EXOC4: variants seen among roughly 807,000 people sequenced by gnomAD.
The protein encoded by EXOC4 is exocyst complex component 4.
Under a neutral mutation model 107.2 loss-of-function variants are expected in EXOC4, and 71 were observed. That is an observed-to-expected ratio of 0.66 (90% CI 0.55 to 0.81). The LOEUF (loss-of-function observed/expected upper bound fraction) is 0.81, where lower values mean the gene tolerates loss of function less well. Ranked by LOEUF, EXOC4 falls within the 30% of genes least tolerant of loss-of-function variation. The pLI is 0.00. For missense variants in EXOC4, 1,108 were observed against 1,189.6 expected (o/e 0.93, Z 1.01); for synonymous variants, 456 against 441.2 (o/e 1.03, Z -0.42).
intron 11 of EXOC4, among the ~76,000 whole-genome samples, chr7:133,837,555 T>G (rs2151245052): frequency 6.6e-6 from 1 of 152,338 alleles, no homozygotes; most frequent in South Asian, 2.1e-4. Flanking sequence ...TTCTTCCTGC[T>G]AAGTCCTCCA....
intron 9 of EXOC4, among the ~76,000 whole-genome samples, chr7:133,485,923 A>G (rs1344743112): frequency 6.6e-6 from 1 of 152,174 alleles, no homozygotes; most frequent in Non-Finnish European, 1.5e-5. Context: ...ATTGATTCAA[A>G]TAGAAATGTA....
At chr7:133,897,124 A>G (rs1239436748) in intron 12 of EXOC4, among the ~76,000 whole-genome samples, 1 of 151,820 alleles carries the variant, frequency 6.6e-6, no homozygotes, top group Non-Finnish European at 1.5e-5. Context: ...TGGATAGCAG[A>G]TATGGAATCA....
intron 11 of EXOC4, among the ~76,000 whole-genome samples, chr7:133,858,520 T>G (rs1402015338): frequency 6.6e-6 from 1 of 152,174 alleles, no homozygotes; most frequent in Non-Finnish European, 1.5e-5. Flanking sequence ...AGCCTGGTTT[T>G]CAGGCTTCCT....
chr7:133,514,428 C>G (rs185357821), intron 9 of EXOC4, among the ~76,000 whole-genome samples: 1 of 152,158 alleles, frequency 6.6e-6, no homozygotes, highest in African/African-American at 2.4e-5. Flanking sequence ...TTCCAAAGTG[C>G]TGGGATTACA....
chr7:133,265,614 G>A (rs891356182), intron 1 of EXOC4, among the ~76,000 whole-genome samples: 5 of 152,128 alleles, frequency 3.3e-5, no homozygotes, highest in African/African-American at 4.8e-5. Context: ...TTCCTGATAA[G>A]TGATTTTTGG....
the EXOC4 span, among the ~76,000 whole-genome samples, chr7:134,079,947 A>ATC: frequency 9.9e-5 from 15 of 152,270 alleles, no homozygotes; most frequent in East Asian, 2.7e-3. Context: ...CTCTCCAAGG[A>ATC]TACAGAGCCT....
At chr7:133,672,821 G>A (rs568832026) in intron 10 of EXOC4, among the ~76,000 whole-genome samples, 22 of 152,296 alleles carry the variant, frequency 1.4e-4, no homozygotes, top group Non-Finnish European at 1.9e-4. Flanking sequence ...AGCAAGTCAC[G>A]TAAGGATTTA....
chr7:134,085,534 G>C, the EXOC4 span, among the ~76,000 whole-genome samples: 1 of 152,178 alleles, frequency 6.6e-6, no homozygotes, highest in South Asian at 2.1e-4. Flanking sequence ...AATTATGGAA[G>C]CTGTGCAAAT....
chr7:133,560,880 A>G (rs75257067), intron 9 of EXOC4, among the ~76,000 whole-genome samples: 181 of 152,310 alleles, frequency 1.2e-3, no homozygotes, highest in African/African-American at 4.2e-3. Flanking sequence ...TGGCATTTGT[A>G]TCAGGAATGC....
chr7:133,539,041 T>G (rs1584985344), intron 9 of EXOC4, among the ~76,000 whole-genome samples: 2 of 152,112 alleles, frequency 1.3e-5, no homozygotes, highest in East Asian at 3.9e-4. Flanking sequence ...CTGGAAATGT[T>G]TACTTCATTG....
At chr7:133,333,169 A>G (rs895690953) in intron 5 of EXOC4, among the ~76,000 whole-genome samples, 2 of 152,088 alleles carry the variant, frequency 1.3e-5, no homozygotes, top group Admixed American at 6.6e-5. Context: ...TTCTATATTC[A>G]TTAATTGTTT....
intron 4 of EXOC4, chr7:133,315,076 G>A (rs1281004178): frequency 6.5e-6 from 1 of 153,060 alleles, no homozygotes; most frequent in South Asian, 2.0e-4. Flanking sequence ...GATGTGAGCT[G>A]AGTCAGTACA....
intron 9 of EXOC4, chr7:133,551,818 G>C (rs1467709095): frequency 6.6e-6 from 1 of 152,064 alleles, no homozygotes; most frequent in Non-Finnish European, 1.5e-5. Flanking sequence ...TTTGGGATGA[G>C]TTACTGTTAT....
chr7:133,378,364 A>T (rs1352503565), intron 7 of EXOC4, among the ~76,000 whole-genome samples: 1 of 151,736 alleles, frequency 6.6e-6, no homozygotes, highest in African/African-American at 2.4e-5. Flanking sequence ...CCAGATGGTA[A>T]CTTAGATCTA....
At chr7:133,879,841 G>T (rs1798927660) in intron 11 of EXOC4, among the ~76,000 whole-genome samples, 1 of 152,052 alleles carries the variant, frequency 6.6e-6, no homozygotes, top group South Asian at 2.1e-4. Flanking sequence ...CTAGAATTAG[G>T]ATCCTGAGCT....
the EXOC4 span, among the ~76,000 whole-genome samples, chr7:134,073,205 C>CAAAAAAAAAAAAAAAA: frequency 3.5e-4 from 8 of 22,594 alleles, no homozygotes; most frequent in African/African-American, 1.4e-3. Flanking sequence ...GACTTCCTCT[C>CAAAAAAAAAAAAAAAA]AAAAAAAAAA....
At chr7:133,976,646 C>T (rs1192572187) in intron 14 of EXOC4, among the ~76,000 whole-genome samples, 1 of 152,150 alleles carries the variant, frequency 6.6e-6, no homozygotes, top group East Asian at 1.9e-4. Context: ...TGCCCAAGGA[C>T]TACTGAAAGA....
chr7:133,821,002 A>G (rs2151220813), intron 11 of EXOC4, among the ~76,000 whole-genome samples: 1 of 152,338 alleles, frequency 6.6e-6, no homozygotes, highest in Non-Finnish European at 1.5e-5. Context: ...AGTCAGTAGG[A>G]AGGAAGAGAT....
intron 10 of EXOC4, among the ~76,000 whole-genome samples, chr7:133,714,334 T>C (rs1407478202): frequency 4.6e-5 from 7 of 152,178 alleles, no homozygotes; most frequent in Admixed American, 3.9e-4. Flanking sequence ...TGGATGTTTC[T>C]TCCATAGTCT....
Sources: gnomAD v4.1 joint callset for allele counts (sites outside exome capture counted in the v4.1 genomes callset) on GRCh38, gnomAD v4.1.1 for gene constraint, MANE v1.5 for transcripts, NCBI Gene and HGNC (gene_info 2026-07-23, HGNC 2026-07-21) for gene names.